Variants in RNF19B observed in about 807,000 individuals in gnomAD.
RNF19B encodes the protein ring finger protein 19B.
In RNF19B, 23 loss-of-function variants were observed where a neutral mutation model predicts 65.5. The observed-to-expected ratio is 0.35, with a 90% CI of 0.25 to 0.50. The LOEUF is 0.50. Among genes scored for constraint, RNF19B ranks in the 20% least tolerant of loss-of-function variants. The probability of loss-of-function intolerance (pLI) is 0.98; values close to 1 mark genes in which losing one functional copy is unlikely to be tolerated. For synonymous variants in RNF19B, 372 were observed against 379.6 expected (o/e 0.98, Z 0.23); for missense variants, 794 against 980.0 (o/e 0.81, Z 2.53).
At chr1:32,961,968 GTGTTT>G (rs1642779729) in intron 1 of RNF19B, among the ~76,000 whole-genome samples, 4 of 151,740 alleles carry the variant, frequency 2.6e-5, no homozygotes, top group African/African-American at 9.7e-5. Context: ...TAACTATGCA[GTGTTT>G]TGTTTTTTTT....
At chr1:32,961,606 C>T (rs967824393) in intron 1 of RNF19B, among the ~76,000 whole-genome samples, 8 of 152,194 alleles carry the variant, frequency 5.3e-5, no homozygotes, top group African/African-American at 1.9e-4. Context: ...CCCCAAACTC[C>T]ACCTTAAGTC....
chr1:32,964,702 G>A lies in RNF19B; in HGVS notation c.-17C>T. 14 of 1,430,804 alleles carry A rather than the reference G, an allele frequency of 9.8e-6. No individual in the cohort carries two copies. The highest frequency in any genetic ancestry group is 1.4e-5 in the South Asian group (1 of 73,392). 88.6% of individuals were successfully genotyped at this position (1,430,804 alleles called of 1,614,324 possible). A position where few individuals can be genotyped will look rare whatever the true frequency, so the allele number is the denominator to read the frequency against. ...GGAGCCCATGGCCGGCAGAGGCCGAGGAGCCAGGGGCGCCCAGCGCCGCCA... is the reference window on the plus strand; with the variant it reads ...GGAGCCCATGGCCGGCAGAGGCCGAAGAGCCAGGGGCGCCCAGCGCCGCCA... On this transcript the variant is annotated 5_prime_UTR_variant, in exon 1 of 9. Transcript: ENST00000235150. The surrounding 1 kb of genome is among the most constrained non-coding windows in gnomAD (Gnocchi z 6.5).
At chr1:32,946,638 G>GC in intron 3 of RNF19B, 74 bp from the exon 4 acceptor site, 1 of 1,296,920 alleles carries the variant, frequency 7.7e-7, no homozygotes, top group Non-Finnish European at 1.1e-6. Context: ...CTTGATAACA[G>GC]CAACAGCCTT....
At chr1:32,938,353 A>G (rs1462414925) in intron 8 of RNF19B, 44 bp downstream of exon 8, 3 of 1,613,126 alleles carry the variant, frequency 1.9e-6, no homozygotes, top group East Asian at 2.2e-5. Flanking sequence ...CTAGTACCCA[A>G]CGAAAAAATG....
At chr1:32,952,143 A>G (rs1214674438) in intron 1 of RNF19B, among the ~76,000 whole-genome samples, 1 of 151,894 alleles carries the variant, frequency 6.6e-6, no homozygotes, top group Non-Finnish European at 1.5e-5. Context: ...TATCAGCACT[A>G]ATGTCGACCA....
Position 32,938,512 on chromosome 1 carries a change from C to T in RNF19B, c.1627G>A (p.Asp543Asn), listed in dbSNP as rs753413006. ...TTGGGGAAAATTTCCTTTTGGACAT[C>T]GGCTTGAACTTCTAACCTGTGTAAA... ...GKYSRLEVQA[D>N]VQKEIFPKDT... The change falls in exon 8 of 9, where the codon GAT becomes AAT. Residue 543 changes from aspartate to asparagine, a missense_variant. By Grantham distance (23) the Asp-to-Asn change is conservative (BLOSUM62 1). Around this residue, in one of 3 missense-constraint regions of RNF19B, gnomAD observed 368 missense variants for 447.3 expected, o/e 0.82. Coordinates refer to ENST00000235150, the MANE Select transcript of RNF19B (RefSeq NM_001300826.2). The T allele has an allele frequency of 3.1e-6, 5 of 1,614,096 alleles. No individual in the cohort carries two copies. Among genetic ancestry groups the T allele is most frequent in the Non-Finnish European group, 4.2e-6 (5 of 1,180,000 alleles).
At chr1:32,946,371 AC>A (rs1402353170) in intron 4 of RNF19B, 30 bp downstream of exon 4, 1 of 1,605,064 alleles carries the variant, frequency 6.2e-7, no homozygotes. Context: ...TAAAGTTGAA[AC>A]AAGCACAGAA....
intron 1 of RNF19B, among the ~76,000 whole-genome samples, chr1:32,953,389 A>G (rs1642558205): frequency 6.6e-6 from 1 of 152,240 alleles, no homozygotes; most frequent in East Asian, 1.9e-4. Flanking sequence ...TAACGTGTAC[A>G]AAAAGCTAAT....
intron 1 of RNF19B, among the ~76,000 whole-genome samples, 197 bp from the exon 2 acceptor site, chr1:32,949,971 CT>C (rs545960275): frequency 0.068 from 10,124 of 148,052 alleles, 492 homozygotes; most frequent in Admixed American, 0.14. Context: ...AGAAAGTAAA[CT>C]TTTTTTTTTT....
downstream of RNF19B, among the ~76,000 whole-genome samples, chr1:32,936,293 AGTCATAG>A (rs1372345328): frequency 6.6e-6 from 1 of 152,200 alleles, no homozygotes; most frequent in South Asian, 2.1e-4. Context: ...TCATGCTAGG[AGTCATAG>A]GTTTATAGAT....
chr1:32,959,579 T>C (rs1642721767), intron 1 of RNF19B, among the ~76,000 whole-genome samples: 1 of 152,160 alleles, frequency 6.6e-6, no homozygotes, highest in Non-Finnish European at 1.5e-5. Flanking sequence ...TGCACGCCAA[T>C]ATCCACCTGG....
chr1:32,963,205 T>C (rs989752064), intron 1 of RNF19B, among the ~76,000 whole-genome samples: 3 of 152,096 alleles, frequency 2.0e-5, no homozygotes, highest in African/African-American at 7.2e-5. Context: ...CCCGATAGCG[T>C]GGCACAGAAC....
At chr1:32,932,279 T>A (rs368799933), downstream of RNF19B, among the ~76,000 whole-genome samples, 1 of 152,172 alleles carries the variant, frequency 6.6e-6, no homozygotes, top group East Asian at 1.9e-4. Context: ...TATCGCAAAC[T>A]GCTATCTATG....
downstream of RNF19B, among the ~76,000 whole-genome samples, chr1:32,931,660 T>G (rs1214616318): frequency 6.6e-6 from 1 of 152,258 alleles, no homozygotes; most frequent in African/African-American, 2.4e-5. Flanking sequence ...TTGATGTACA[T>G]GAGCCTTGCG....
In RNF19B at chr1:32,942,285, C is replaced by A. The variant is rs766197367; in HGVS notation, c.1577G>T (p.Gly526Val). ...AALSGGTLSG[G>V]ILSSGKGKYS... Reference sequence around the variant, plus strand: ...TTTTCCCTTGCCACTGGAGAGAATGCCGCCACTCAGCGTGCCCCCTGAGAG... The same window carrying A: ...TTTTCCCTTGCCACTGGAGAGAATGACGCCACTCAGCGTGCCCCCTGAGAG... The change falls in exon 7 of 9, where the codon GGC (glycine) becomes GTC (valine). Residue 526 changes from glycine to valine, a missense_variant. Gly to Val is a moderately radical substitution (Grantham distance 109). Around this residue, in one of 3 missense-constraint regions of RNF19B, gnomAD observed 368 missense variants for 447.3 expected, o/e 0.82. Coordinates refer to ENST00000235150, the MANE Select transcript of RNF19B (RefSeq NM_001300826.2). The A allele has an allele frequency of 6.2e-7, 1 of 1,612,232 alleles. No homozygotes were observed. Among genetic ancestry groups the A allele is most frequent in the Non-Finnish European group, 8.5e-7 (1 of 1,178,418 alleles).
Position 32,948,326 on chromosome 1 carries a change from A to C in RNF19B, c.879T>G (p.Ile293Met), listed in dbSNP as rs753682305. Residue 293 changes from isoleucine (I) to methionine (M), a missense_variant, in exon 3 of 9, where the codon ATT becomes ATG. By Grantham distance (10) the Ile-to-Met change is conservative (BLOSUM62 1). Transcript: ENST00000235150. ...IKPCPRCSAY[I>M]IKMNDGSCNH... is the part of the protein sequence containing the mutation. ...TACAGCTTCCATCATTCATCTTGAT[A>C]ATGTATGCACTGCATCGTGGGCATG... is the stretch of plus-strand genomic sequence containing the variant. 2.5e-6 allele frequency: 4 copies of C among 1,614,144 alleles called. No individual in the cohort carries two copies. Among genetic ancestry groups the C allele is most frequent in the Non-Finnish European group, 3.4e-6 (4 of 1,180,000 alleles).
At position 32,936,979 on chromosome 1, in the gene RNF19B, C is replaced by T. The variant is rs769599278; in HGVS notation, c.2023G>A (p.Asp675Asn). 10 of 1,613,992 alleles carry T rather than the reference C, an allele frequency of 6.2e-6. No individual in the cohort carries two copies. Among genetic ancestry groups the T allele is most frequent in the Admixed American group, 1.7e-5 (1 of 59,992 alleles). Residue 675 changes from aspartate to asparagine, a missense_variant, in exon 9 of 9, where the codon GAT becomes AAT. Around this residue, in one of 3 missense-constraint regions of RNF19B, gnomAD observed 368 missense variants for 447.3 expected, o/e 0.82. Coordinates refer to ENST00000235150, the MANE Select transcript of RNF19B (RefSeq NM_001300826.2). ...DLESSDAQSD[D>N]VPDITSDECG... ...TCATCTGAGGTGATGTCTGGCACAT[C>T]GTCTGACTGTGCATCAGAACTCTCT...
At chr1:32,932,498 T>C (rs145176841), downstream of RNF19B, among the ~76,000 whole-genome samples, 29 of 152,296 alleles carry the variant, frequency 1.9e-4, no homozygotes, top group Non-Finnish European at 4.1e-4. Flanking sequence ...TTCAAGGAAA[T>C]CTAAGACATG....
At chr1:32,961,388 T>C (rs1468153436) in intron 1 of RNF19B, among the ~76,000 whole-genome samples, 11 of 152,208 alleles carry the variant, frequency 7.2e-5, no homozygotes, top group Non-Finnish European at 2.9e-5. Context: ...GGAAGGAATA[T>C]TGGCATTGGT....
Sources: gnomAD v4.1 joint callset for allele counts (sites outside exome capture counted in the v4.1 genomes callset) on GRCh38, gnomAD v4.1.1 for gene constraint, gnomAD v4.1.1 regional missense constraint, Gnocchi (gnomAD v3.1) non-coding constraint, MANE v1.5 for transcripts, NCBI Gene and HGNC (gene_info 2026-07-23, HGNC 2026-07-21) for gene names.